The following NDUFAF2 variants were observed in gnomAD, a reference collection of about 807,000 sequenced individuals.
The protein encoded by NDUFAF2 is NADH:ubiquinone oxidoreductase complex assembly factor 2.
In NDUFAF2, 13 loss-of-function variants were observed where a neutral mutation model predicts 22.8. The ratio of observed to expected loss-of-function variants is 0.57; its 90% CI spans 0.37 to 0.91. The LOEUF is 0.91. Among genes scored for constraint, NDUFAF2 ranks in the 40% least tolerant of loss-of-function variants. NDUFAF2 has a pLI of 0.01. For missense variants in NDUFAF2, 162 were observed against 195.2 expected, an observed-to-expected ratio of 0.83 and a Z score of 1.01; for synonymous variants, 53 against 64.2, an observed-to-expected ratio of 0.83 and a Z score of 0.84.
intron 3 of NDUFAF2, among the ~76,000 whole-genome samples, chr5:61,144,599 C>T (rs1219608917): frequency 6.6e-6 from 1 of 152,106 alleles, no homozygotes; most frequent in Non-Finnish European, 1.5e-5. Context: ...TCCAGAGAAG[C>T]AGAATGGTGG....
chr5:61,080,887 T>C (rs556071620), intron 2 of NDUFAF2, among the ~76,000 whole-genome samples: 5 of 152,252 alleles, frequency 3.3e-5, no homozygotes, highest in African/African-American at 1.2e-4. Flanking sequence ...ATTTTTTTCT[T>C]TTATATATCA....
At chr5:61,143,334 T>G (rs964200816) in intron 3 of NDUFAF2, among the ~76,000 whole-genome samples, 36 of 152,040 alleles carry the variant, frequency 2.4e-4, no homozygotes, top group African/African-American at 8.2e-4. Flanking sequence ...CTTTAAAAAT[T>G]TTAATATTTA....
chr5:61,096,094 G>A (rs907811166), intron 2 of NDUFAF2, among the ~76,000 whole-genome samples: 2 of 152,090 alleles, frequency 1.3e-5, no homozygotes, highest in Non-Finnish European at 2.9e-5. Flanking sequence ...TTGTGGTATT[G>A]CTAAGCTGGA....
intron 1 of NDUFAF2, among the ~76,000 whole-genome samples, chr5:61,004,662 G>T (rs139015817): frequency 6.6e-6 from 1 of 152,054 alleles, no homozygotes; most frequent in African/African-American, 2.4e-5. Flanking sequence ...CTCCAGACTA[G>T]CATGGTAACT....
Position 60,978,448 on chromosome 5 carries a change from AC to A in NDUFAF2, c.127+33067del, listed in dbSNP as rs989561685. Among the ~76,000 whole-genome samples the A allele has an allele frequency of 4.3e-4, 66 of 152,308 alleles. 2 individuals carry two copies. Among genetic ancestry groups the A allele is most frequent in the Admixed American group, 2.6e-4 (4 of 15,302 alleles). ...TCTACTTCTGGGGAGGCCTCAGGAA[AC>A]TTACAACCATGGCGGAAGGCAAATG... On this transcript the variant is annotated intron_variant, in intron 1 of 3. Coordinates refer to ENST00000296597, the MANE Select transcript of NDUFAF2 (RefSeq NM_174889.5).
rs180707711 is a variant in NDUFAF2 at position 60,968,179 on chromosome 5, C to T, written c.127+22797C>T. ...CCTTTGTGTTTCTTTCTGTAGTATC[C>T]GTTGTTGCTTCCCCTTTCATTTCTG... On this transcript the variant is annotated intron_variant, in intron 1 of 3. Coordinates refer to ENST00000296597, the MANE Select transcript of NDUFAF2 (RefSeq NM_174889.5). Among the ~76,000 whole-genome samples, 8 of 151,442 alleles carry T rather than the reference C, an allele frequency of 5.3e-5. No individual in the cohort carries two copies. The East Asian group carries it at 7.8e-4, about 15-fold the overall frequency.
chr5:61,044,673 C>G (rs1480670760), intron 1 of NDUFAF2, among the ~76,000 whole-genome samples: 1 of 152,074 alleles, frequency 6.6e-6, no homozygotes, highest in Non-Finnish European at 1.5e-5. Flanking sequence ...TTTTCTGTTT[C>G]ATTGCTCTTT....
chr5:61,097,644 G>T (rs1284266043), intron 2 of NDUFAF2, among the ~76,000 whole-genome samples: 1 of 152,200 alleles, frequency 6.6e-6, no homozygotes, highest in Non-Finnish European at 1.5e-5. Flanking sequence ...TAATTATATG[G>T]CATTAGGAAA....
intron 3 of NDUFAF2, among the ~76,000 whole-genome samples, chr5:61,122,998 G>A (rs1752994715): frequency 6.6e-6 from 1 of 152,138 alleles, no homozygotes; most frequent in Non-Finnish European, 1.5e-5. Flanking sequence ...GAAGCTAATG[G>A]ATAAAAGTTC....
intron 1 of NDUFAF2, among the ~76,000 whole-genome samples, chr5:61,010,169 A>G (rs1751425914): frequency 6.6e-6 from 1 of 151,890 alleles, no homozygotes; most frequent in African/African-American, 2.4e-5. Context: ...TTCTCCTGTA[A>G]TCCAGGCTTC....
At chr5:60,945,482 C>T in intron 1 of NDUFAF2, 100 bp downstream of exon 1, 2 of 1,510,760 alleles carry the variant, frequency 1.3e-6, no homozygotes, top group Non-Finnish European at 1.8e-6. Context: ...CATCATGCGA[C>T]ACTTAGGGTG....
At chr5:61,065,954 T>A (rs1309993110) in intron 1 of NDUFAF2, among the ~76,000 whole-genome samples, 1 of 151,868 alleles carries the variant, frequency 6.6e-6, no homozygotes, top group Non-Finnish European at 1.5e-5. Context: ...TTTAAGATTT[T>A]AGCAAAAATA....
At chr5:61,035,498 G>T (rs1004691510) in intron 1 of NDUFAF2, among the ~76,000 whole-genome samples, 1 of 132,706 alleles carries the variant, frequency 7.5e-6, no homozygotes, top group African/African-American at 3.0e-5. Flanking sequence ...AACCAAGATG[G>T]TATTAAACAT....
chr5:61,136,005 T>TTATATATATATATATATATATATATATA (rs57756292), intron 3 of NDUFAF2, among the ~76,000 whole-genome samples: 62 of 95,986 alleles, frequency 6.5e-4, no homozygotes, highest in South Asian at 1.4e-3. Flanking sequence ...AAGCCTGTCT[T>TTATATATATATATATATATATATATATA]TATATATATA....
intron 1 of NDUFAF2, among the ~76,000 whole-genome samples, chr5:60,957,720 A>G (rs762835551): frequency 2.6e-5 from 4 of 152,154 alleles, no homozygotes; most frequent in Non-Finnish European, 5.9e-5. Context: ...ACTGTATTCA[A>G]TACAGAGTTC....
At chr5:61,010,756 C>A (rs1751433197) in intron 1 of NDUFAF2, among the ~76,000 whole-genome samples, 1 of 152,082 alleles carries the variant, frequency 6.6e-6, no homozygotes. Flanking sequence ...GGACATATTG[C>A]CATATAGCAA....
intron 1 of NDUFAF2, among the ~76,000 whole-genome samples, chr5:61,029,469 A>G (rs1228299934): frequency 6.6e-6 from 1 of 152,120 alleles, no homozygotes; most frequent in East Asian, 1.9e-4. Context: ...GGTTTAAGCA[A>G]ACATTTATAT....
intron 3 of NDUFAF2, among the ~76,000 whole-genome samples, chr5:61,099,557 A>G (rs1752681710): frequency 6.6e-6 from 1 of 151,548 alleles, no homozygotes; most frequent in South Asian, 2.1e-4. Context: ...ATTTAAAACT[A>G]AAAAATTTGT....
At chr5:61,041,658 A>G (rs1450927786) in intron 1 of NDUFAF2, among the ~76,000 whole-genome samples, 2 of 152,238 alleles carry the variant, frequency 1.3e-5, no homozygotes, top group African/African-American at 2.4e-5. Flanking sequence ...AGTTTATCCA[A>G]TCAGGTGAAT....
Sources: gnomAD v4.1 joint callset for allele counts (sites outside exome capture counted in the v4.1 genomes callset) on GRCh38, gnomAD v4.1.1 for gene constraint, MANE v1.5 for transcripts, NCBI Gene and HGNC (gene_info 2026-07-23, HGNC 2026-07-21) for gene names.